Variants in ADGRL1 observed in about 807,000 individuals in gnomAD.
ADGRL1 encodes adhesion G protein-coupled receptor L1.
In ADGRL1, 31 loss-of-function variants were observed where a neutral mutation model predicts 148.9. The observed-to-expected ratio is 0.21, with a 90% CI of 0.16 to 0.28. ADGRL1 has a LOEUF of 0.28. Among genes scored for constraint, ADGRL1 ranks in the 10% least tolerant of loss-of-function variants. ADGRL1 has a pLI of 1.00. For synonymous variants in ADGRL1, 937 were observed against 900.3 expected, an observed-to-expected ratio of 1.04 and a Z score of -0.73; for missense variants, 1,521 against 2,058.8, an observed-to-expected ratio of 0.74 and a Z score of 5.05.
At chr19:14,182,953 G>T (rs1231621742) in intron 2 of ADGRL1, among the ~76,000 whole-genome samples, 1 of 152,022 alleles carries the variant, frequency 6.6e-6, no homozygotes, top group Non-Finnish European at 1.5e-5. Context: ...GGGCCTACTG[G>T]CCTCTTCTCT....
rs1209249823 is a variant in ADGRL1 at position 14,155,619 on chromosome 19, G to C, written c.3126-92C>G. 1.1e-5 allele frequency: 15 copies of C among 1,351,402 alleles called. No homozygotes were observed. The highest frequency in any genetic ancestry group is 1.2e-5 in the Non-Finnish European group (12 of 976,828). The allele number at this position is 1,351,402 out of a possible 1,614,324, so 83.7% of individuals were successfully genotyped here. A position where few individuals can be genotyped will look rare whatever the true frequency, so the allele number is the denominator to read the frequency against. ...CTGCAGCCTACAACGGGGGCCCTTG[G>C]GTGGGCCTGGGCACTGTCTGCAAAG... is the stretch of plus-strand genomic sequence containing the variant. On this transcript the variant is annotated intron_variant, in intron 17 of 22. Coordinates refer to ENST00000361434, the MANE Select transcript of ADGRL1 (RefSeq NM_014921.5). This position sits in a 1 kb window ranked among gnomAD's most constrained non-coding sequence, Gnocchi z 5.0.
Position 14,160,528 on chromosome 19 carries a change from C to T in ADGRL1, c.1614+65G>A, listed in dbSNP as rs532935456. 7.1e-5 allele frequency: 88 copies of T among 1,237,316 alleles called. 1 individual carries two copies. In the African/African-American group the frequency reaches 1.2e-3, roughly 16 times the overall value. The allele number at this position is 1,237,316 out of a possible 1,614,324, so 76.6% of individuals were successfully genotyped here. ...ATGTCTCCCCAGCTGCTCCACGACC[C>T]CCGCTGGGCCCTGGGCCCTGGGCCC... On this transcript the variant is annotated intron_variant, in intron 7 of 22. Coordinates refer to ENST00000361434, the MANE Select transcript of ADGRL1 (RefSeq NM_014921.5). This position sits in a 1 kb window ranked among gnomAD's most constrained non-coding sequence, Gnocchi z 5.9.
rs771398831 is a variant in ADGRL1, at chr19:14,159,812, G to A, written c.1801-39C>T. 19 of 1,579,736 alleles carry A rather than the reference G, an allele frequency of 1.2e-5. No homozygotes were observed. Among genetic ancestry groups the A allele is most frequent in the Non-Finnish European group, 1.7e-6 (2 of 1,149,180 alleles). The stretch of plus-strand genomic sequence containing the variant: ...GAGGTGATGTCAGGCCAGGCCTCTG[G>A]GTGCCGGTTCCCTCACCCTAATACT... On this transcript the variant is annotated intron_variant, in intron 8 of 22. Coordinates refer to ENST00000361434, the MANE Select transcript of ADGRL1 (RefSeq NM_014921.5). This position sits in a 1 kb window ranked among gnomAD's most constrained non-coding sequence, Gnocchi z 6.0.
intron 4 of ADGRL1, chr19:14,167,064 A>G (rs762879245): frequency 3.2e-6 from 5 of 1,575,274 alleles, no homozygotes; most frequent in Non-Finnish European, 4.3e-6. Flanking sequence ...AGAGAAAACA[A>G]ATTGAAAAAA....
In ADGRL1 at chr19:14,160,693, A is replaced by G. The variant is rs532616784; in HGVS notation, c.1514T>C (p.Ile505Thr). 3.8e-5 allele frequency: 61 copies of G among 1,599,624 alleles called. No homozygotes were observed. The highest frequency in any genetic ancestry group is 4.8e-5 in the Non-Finnish European group (56 of 1,167,884). The change falls in exon 7 of 23, where the codon ATT (isoleucine) becomes ACT (threonine). Residue 505 changes from isoleucine to threonine, a missense_variant. Around this residue, in one of 8 missense-constraint regions of ADGRL1, gnomAD observed 270 missense variants for 320.4 expected, o/e 0.84. Coordinates refer to ENST00000361434, the MANE Select transcript of ADGRL1 (RefSeq NM_014921.5). The surrounding 1 kb of genome is among the most constrained non-coding windows in gnomAD (Gnocchi z 5.9). ...GGCTGGTAGACACTGGAAGGAGGCAATTCCTGCAGGGACAGACAGACAGGA... is the reference window on the plus strand; with the variant it reads ...GGCTGGTAGACACTGGAAGGAGGCAGTTCCTGCAGGGACAGACAGACAGGA... Reference protein sequence around the residue: ...ERPCPKGTRGIASFQCLPALG... With the variant: ...ERPCPKGTRGTASFQCLPALG...
At position 14,151,506 on chromosome 19, in the gene ADGRL1, C is replaced by T; in HGVS notation, c.3777G>A (p.Gly1259=). Reference sequence around the variant, plus strand: ...TCCGGCCTCGGGGCGGCTCAGGGCCCCCATCCCCGGGAGGGAAATCCCCAC... The same window carrying T: ...TCCGGCCTCGGGGCGGCTCAGGGCCTCCATCCCCGGGAGGGAAATCCCCAC... ...LRSGDFPPGD[G]GPEPPRGRNL... Residue 1259 remains glycine, a synonymous_variant, in exon 23 of 23, where the codon GGG becomes GGA. Coordinates refer to ENST00000361434, the MANE Select transcript of ADGRL1 (RefSeq NM_014921.5). 6.2e-7 allele frequency: 1 copy of T among 1,610,890 alleles called. No individual in the cohort carries two copies. Among genetic ancestry groups the T allele is most frequent in the Admixed American group, 1.7e-5 (1 of 59,304 alleles).
rs780075493 is a variant in ADGRL1, at chr19:14,152,452, A to G, written c.3521-15T>C. ...CCCCATGGTACCTGGCCAAAGGATC[A>G]GAGGTCACAAGGCAGCCGGGAGCCT... is the stretch of plus-strand genomic sequence containing the variant. On this transcript the variant is annotated splice_polypyrimidine_tract_variant and intron_variant, in intron 20 of 22. Coordinates refer to ENST00000361434, the MANE Select transcript of ADGRL1 (RefSeq NM_014921.5). This position sits in a 1 kb window ranked among gnomAD's most constrained non-coding sequence, Gnocchi z 6.1. The G allele has an allele frequency of 1.2e-6, 2 of 1,606,716 alleles. No homozygotes were observed. The highest frequency in any genetic ancestry group is 2.7e-5 in the African/African-American group (2 of 74,826).
chr19:14,151,284 C>T lies in ADGRL1; in HGVS notation c.3999G>A (p.Lys1333=). 1 of 1,611,568 alleles carries T rather than the reference C, an allele frequency of 6.2e-7. No individual in the cohort carries two copies. Among genetic ancestry groups the T allele is most frequent in the East Asian group, 2.2e-5 (1 of 44,854 alleles). Residue 1333 remains lysine, a synonymous_variant, in exon 23 of 23, where the codon AAG becomes AAA. Coordinates refer to ENST00000361434, the MANE Select transcript of ADGRL1 (RefSeq NM_014921.5). ...ADRAEIELLY[K]ALEEPLLLPR... is the part of the protein sequence containing the mutation. ...GCAGCAGCAGAGGCTCCTCCAGGGC[C>T]TTATAGAGAAGTTCAATCTCGGCCC...
In ADGRL1 at chr19:14,171,057, C is replaced by T. The variant is rs188334456; in HGVS notation, c.285-266G>A. ...ATGAATGGTTTATCACCATCCCCTCCGTGCTGTTGAGATCTGGTTGTTTAA... is the reference window on the plus strand; with the variant it reads ...ATGAATGGTTTATCACCATCCCCTCTGTGCTGTTGAGATCTGGTTGTTTAA... On this transcript the variant is annotated intron_variant, in intron 3 of 22. Transcript: ENST00000361434. 9 of 375,682 alleles carry T rather than the reference C, an allele frequency of 2.4e-5. No homozygotes were observed. In the East Asian group the frequency reaches 2.9e-4, roughly 12 times the overall value. The allele number at this position is 375,682 out of a possible 1,614,324, so 23.3% of individuals were successfully genotyped here. A position where few individuals can be genotyped will look rare whatever the true frequency, so the allele number is the denominator to read the frequency against.
chr19:14,156,150 A>G lies in ADGRL1; in HGVS notation c.3085T>C (p.Ser1029Pro). ...CGGCTGGAGTCGGGCTTGAGCACAG[A>G]TGAGCTTCGGATCATCTTGTGCAGG... ...VTLHKMIRSS[S>P]VLKPDSSRLD... The change falls in exon 17 of 23, where the codon TCT becomes CCT. Residue 1029 changes from serine (S) to proline (P), a missense_variant. By Grantham distance (74) the Ser-to-Pro change is moderately conservative. Coordinates refer to ENST00000361434, the MANE Select transcript of ADGRL1 (RefSeq NM_014921.5). 3 of 1,612,694 alleles carry G rather than the reference A, an allele frequency of 1.9e-6. No individual in the cohort carries two copies. Among genetic ancestry groups the G allele is most frequent in the Non-Finnish European group, 2.5e-6 (3 of 1,179,742 alleles).
chr19:14,153,854 T>A (rs529533216), intron 18 of ADGRL1, among the ~76,000 whole-genome samples: 1 of 151,530 alleles, frequency 6.6e-6, no homozygotes, highest in African/African-American at 2.4e-5. Flanking sequence ...GGCAGGAGAA[T>A]TGCTTGAAGC....
chr19:14,189,793 CA>C (rs1971818410), intron 1 of ADGRL1, among the ~76,000 whole-genome samples: 2 of 152,186 alleles, frequency 1.3e-5, no homozygotes, highest in Non-Finnish European at 2.9e-5. Context: ...TTTTGATATC[CA>C]TTATGTGTTG....
intron 1 of ADGRL1, among the ~76,000 whole-genome samples, chr19:14,205,500 G>A (rs1385332629): frequency 1.3e-5 from 2 of 151,742 alleles, no homozygotes; most frequent in South Asian, 4.2e-4. Context: ...CCCCCGACAC[G>A]GCTCCTCTGG....
chr19:14,177,770 C>T, intron 2 of ADGRL1, 26 bp from the exon 3 acceptor site: 1 of 1,593,952 alleles, frequency 6.3e-7, no homozygotes, highest in African/African-American at 1.3e-5. Flanking sequence ...GGGATGGTGT[C>T]ACTCCTGGGC....
At chr19:14,201,575 GC>G (rs1369425798) in intron 1 of ADGRL1, among the ~76,000 whole-genome samples, 1 of 151,754 alleles carries the variant, frequency 6.6e-6, no homozygotes, top group African/African-American at 2.4e-5. Context: ...TATTCACGAT[GC>G]CCAACTATTA....
chr19:14,152,547 C>A lies in ADGRL1; in HGVS notation c.3490G>T (p.Asp1164Tyr). Residue 1164 changes from aspartate (D) to tyrosine (Y), a missense_variant, in exon 20 of 23, where the codon GAC (aspartate) becomes TAC (tyrosine). By Grantham distance (160) the Asp-to-Tyr change is radical. Transcript: ENST00000361434. This position sits in a 1 kb window ranked among gnomAD's most constrained non-coding sequence, Gnocchi z 6.1. Reference sequence around the variant, plus strand: ...TTCAGGGTGGGGGTGCTGTTGATGTCACCCGCCATGAAGGAGGACTCCGTC... The same window carrying A: ...TTCAGGGTGGGGGTGCTGTTGATGTAACCCGCCATGAAGGAGGACTCCGTC... The part of the protein sequence containing the change: ...KQTESSFMAG[D>Y]INSTPTLNRG... 6.2e-7 allele frequency: 1 copy of A among 1,614,076 alleles called. No individual in the cohort carries two copies. The highest frequency in any genetic ancestry group is 1.6e-4 in the Middle Eastern group (1 of 6,062).
At position 14,156,142 on chromosome 19, in the gene ADGRL1, G is replaced by C. The variant is rs766073151; in HGVS notation, c.3093C>G (p.Leu1031=). ...LHKMIRSSSV[L]KPDSSRLDNI... is the part of the protein sequence containing the mutation. The stretch of plus-strand genomic sequence containing the variant: ...TGTCCAGGCGGCTGGAGTCGGGCTT[G>C]AGCACAGATGAGCTTCGGATCATCT... The change falls in exon 17 of 23, where the codon CTC becomes CTG. Residue 1031 remains leucine (L), a synonymous_variant. Transcript: ENST00000361434. 5.6e-6 allele frequency: 9 copies of C among 1,612,558 alleles called. No individual in the cohort carries two copies. The highest frequency in any genetic ancestry group is 7.6e-6 in the Non-Finnish European group (9 of 1,179,714).
Position 14,159,703 on chromosome 19 carries a change from C to G in ADGRL1, c.1839+32G>C, listed in dbSNP as rs779262348. ...TAATCCCCCCATCAGCTGGAGCCCA[C>G]GGTCCTTACACTGGGACCCCCTGGG... is the stretch of plus-strand genomic sequence containing the variant. On this transcript the variant is annotated intron_variant, in intron 9 of 22. Transcript: ENST00000361434. The surrounding 1 kb of genome is among the most constrained non-coding windows in gnomAD (Gnocchi z 6.0). The G allele has an allele frequency of 1.9e-6, 3 of 1,609,406 alleles. No individual in the cohort carries two copies. The highest frequency in any genetic ancestry group is 2.2e-5 in the South Asian group (2 of 91,018).
At position 14,187,536 on chromosome 19, in the gene ADGRL1, C is replaced by T. The variant is rs145742099; in HGVS notation, c.-95-3839G>A. On this transcript the variant is annotated intron_variant, in intron 1 of 22. Coordinates refer to ENST00000361434, the MANE Select transcript of ADGRL1 (RefSeq NM_014921.5). ...CTCATGCCCACTCCCGATACCAGCT[C>T]CCTCTCCACTGCCCCAGCTTCTTCA... 6.3e-4 allele frequency among the ~76,000 whole-genome samples: 95 copies of T among 151,574 alleles called. No homozygotes were observed. In the East Asian group the frequency reaches 6.4e-3, roughly 10 times the overall value.
Sources: gnomAD v4.1 joint callset for allele counts (sites outside exome capture counted in the v4.1 genomes callset) on GRCh38, gnomAD v4.1.1 for gene constraint, gnomAD v4.1.1 regional missense constraint, Gnocchi (gnomAD v3.1) non-coding constraint, MANE v1.5 for transcripts, NCBI Gene and HGNC (gene_info 2026-07-23, HGNC 2026-07-21) for gene names.